The following KLRG2 variants were observed in gnomAD, a reference collection of about 807,000 sequenced individuals.
The protein encoded by KLRG2 is killer cell lectin-like receptor subfamily G member 2.
Under a neutral mutation model 35.4 loss-of-function variants are expected in KLRG2, and 39 were observed. That is an observed-to-expected ratio of 1.10 (90% CI 0.85 to 1.44). The LOEUF (loss-of-function observed/expected upper bound fraction) is 1.44, where lower values mean the gene tolerates loss of function less well. Among genes scored for constraint, KLRG2 ranks in the 40% most tolerant of loss-of-function variants. KLRG2 has a pLI of 0.00. For missense variants in KLRG2, 632 were observed against 570.9 expected (o/e 1.11, Z -1.09); for synonymous variants, 283 against 265.8 (o/e 1.06, Z -0.63).
At chr7:139,469,342 T>A (rs1031149529) in intron 3 of KLRG2, among the ~76,000 whole-genome samples, 3 of 152,108 alleles carry the variant, frequency 2.0e-5, no homozygotes, top group African/African-American at 7.2e-5. Context: ...GTATTTTTAG[T>A]AGAGACGGGG....
chr7:139,468,369 C>T (rs1480001416), intron 3 of KLRG2, among the ~76,000 whole-genome samples: 1 of 152,184 alleles, frequency 6.6e-6, no homozygotes, highest in Non-Finnish European at 1.5e-5. Flanking sequence ...CAACCCACCC[C>T]TTCAATTCCT....
chr7:139,435,383 G>A, the KLRG2 span, among the ~76,000 whole-genome samples: 3 of 152,216 alleles, frequency 2.0e-5, no homozygotes, highest in South Asian at 2.1e-4. Context: ...CCAGCTATTC[G>A]GGAGGGTGAG....
At chr7:139,465,703 AAAAG>A (rs1411851798) in intron 3 of KLRG2, among the ~76,000 whole-genome samples, 23 of 151,708 alleles carry the variant, frequency 1.5e-4, no homozygotes, top group South Asian at 1.5e-3. Context: ...AAAAAAAAAA[AAAAG>A]AAAGAAAGAA....
chr7:139,479,747 T>TG lies in KLRG2; in HGVS notation c.884dup (p.Gly296ArgfsTer78), dbSNP rs538946637. On this transcript the variant is annotated frameshift_variant, in exon 3 of 5. Coordinates refer to ENST00000340940, the MANE Select transcript of KLRG2 (RefSeq NM_198508.4). LOFTEE classifies it high-confidence loss of function. Reference sequence around the variant, plus strand: ...AGTGCTCCTCGGACAACACCCAGCCTGGGGGGCACTGCTGGCATCTGGCTC... The same window carrying TG: ...AGTGCTCCTCGGACAACACCCAGCCTGGGGGGGCACTGCTGGCATCTGGCTC... The TG allele has an allele frequency of 7.8e-4, 1,254 of 1,613,888 alleles. 7 individuals are homozygous for TG. In the African/African-American group the frequency reaches 0.015, roughly 19 times the overall value.
intron 3 of KLRG2, among the ~76,000 whole-genome samples, chr7:139,469,980 C>G (rs1436659899): frequency 6.6e-6 from 1 of 151,990 alleles, no homozygotes; most frequent in Non-Finnish European, 1.5e-5. Context: ...AGGTGGACAA[C>G]CAAAGGAAAG....
intron 2 of KLRG2, among the ~76,000 whole-genome samples, 186 bp from the exon 3 acceptor site, chr7:139,479,958 T>G (rs983601253): frequency 6.6e-6 from 1 of 152,244 alleles, no homozygotes; most frequent in Non-Finnish European, 1.5e-5. Context: ...TGATTGCTTA[T>G]CAGGGCACAA....
downstream of KLRG2, among the ~76,000 whole-genome samples, chr7:139,449,693 CTTTTT>C (rs547906496): frequency 3.0e-4 from 30 of 101,566 alleles, no homozygotes; most frequent in South Asian, 1.4e-3. Context: ...TATCCTTATT[CTTTTT>C]TTTTTTTTTT....
intron 3 of KLRG2, among the ~76,000 whole-genome samples, chr7:139,463,688 CCA>C (rs1223683123): frequency 8.5e-5 from 13 of 152,184 alleles, no homozygotes; most frequent in Non-Finnish European, 1.3e-4. Flanking sequence ...GCAGCCAACC[CCA>C]GAGTCCCTGG....
chr7:139,453,717 G>A lies in KLRG2; in HGVS notation c.1110-10C>T, dbSNP rs1796409690. 1.2e-6 allele frequency: 2 copies of A among 1,613,806 alleles called. No individual in the cohort carries two copies. Among genetic ancestry groups the A allele is most frequent in the African/African-American group, 1.3e-5 (1 of 74,930 alleles). On this transcript the variant is annotated splice_polypyrimidine_tract_variant and intron_variant, in intron 4 of 4. Transcript: ENST00000340940. ...GCCGTCCTCAGGGAGTCTGGGAAAG[G>A]ATGGGAGGGGAAAGAGGAGAGGTGT...
At chr7:139,445,798 T>TATATATATAC in the KLRG2 span, among the ~76,000 whole-genome samples, 23 of 126,046 alleles carry the variant, frequency 1.8e-4, 4 homozygotes, top group African/African-American at 1.0e-3. Flanking sequence ...TATATGTGTG[T>TATATATATAC]ATATATATAT....
At chr7:139,475,524 C>CT (rs1230910445) in intron 3 of KLRG2, among the ~76,000 whole-genome samples, 6 of 130,008 alleles carry the variant, frequency 4.6e-5, no homozygotes, top group African/African-American at 2.1e-4. Context: ...GCGCAAGACT[C>CT]TATCTCAAAA....
At chr7:139,463,123 C>T (rs1796594735) in intron 3 of KLRG2, among the ~76,000 whole-genome samples, 1 of 152,162 alleles carries the variant, frequency 6.6e-6, no homozygotes, top group South Asian at 2.1e-4. Context: ...TTTTCTTTAT[C>T]CGACCTCTCC....
At chr7:139,446,972 C>T in the KLRG2 span, among the ~76,000 whole-genome samples, 1 of 152,130 alleles carries the variant, frequency 6.6e-6, no homozygotes, top group Non-Finnish European at 1.5e-5. Context: ...AAAAAGAAAA[C>T]TGTCTTTGGT....
intron 3 of KLRG2, among the ~76,000 whole-genome samples, chr7:139,474,634 G>T (rs6975554): frequency 6.6e-6 from 1 of 151,950 alleles, no homozygotes; most frequent in African/African-American, 2.4e-5. Flanking sequence ...GTTGGCACAC[G>T]CCTGTAATTC....
At chr7:139,446,902 T>C in the KLRG2 span, among the ~76,000 whole-genome samples, 1 of 152,160 alleles carries the variant, frequency 6.6e-6, no homozygotes, top group South Asian at 2.1e-4. Context: ...TGAAGATCCT[T>C]AATTTAATCA....
the KLRG2 span, among the ~76,000 whole-genome samples, chr7:139,433,695 C>T: frequency 8.2e-5 from 12 of 146,264 alleles, no homozygotes; most frequent in Admixed American, 2.1e-4. Context: ...GGCACATTCT[C>T]GCCTCACTGC....
intron 3 of KLRG2, among the ~76,000 whole-genome samples, chr7:139,461,694 C>A (rs59248901): frequency 0.012 from 1,823 of 152,246 alleles, 34 homozygotes; most frequent in African/African-American, 0.042. Context: ...GAACAACACC[C>A]TTTGACTGTA....
chr7:139,469,735 CGCCCG>C (rs1428127615), intron 3 of KLRG2, among the ~76,000 whole-genome samples: 1 of 152,204 alleles, frequency 6.6e-6, no homozygotes, highest in Non-Finnish European at 1.5e-5. Flanking sequence ...TGAGCCACTA[CGCCCG>C]GCTAATACAG....
chr7:139,455,191 G>A lies in KLRG2; in HGVS notation c.1006-977C>T, dbSNP rs982518767. ...GCACCACCACACCCAGGTAATTTTC[G>A]TATTTTTAGTAGGGAAGGGTTTTGC... is the stretch of plus-strand genomic sequence containing the variant. On this transcript the variant is annotated intron_variant, in intron 3 of 4. Transcript: ENST00000340940. Among the ~76,000 whole-genome samples, 363 of 151,650 alleles carry A rather than the reference G, an allele frequency of 2.4e-3. 1 individual carries two copies. Among genetic ancestry groups the A allele is most frequent in the African/African-American group, 8.2e-3 (339 of 41,314 alleles).
Sources: allele counts gnomAD v4.1 joint callset (sites outside exome capture counted in the v4.1 genomes callset), GRCh38; gene constraint gnomAD v4.1.1; transcripts MANE v1.5; gene names NCBI Gene and HGNC (gene_info 2026-07-23, HGNC 2026-07-21).